Variants in STPG2 observed in about 807,000 individuals in gnomAD.
The protein encoded by STPG2 is sperm-tail PG-rich repeat-containing protein 2.
STPG2 carries 56 observed loss-of-function variants against 54.2 expected under a neutral mutation model. That is an observed-to-expected ratio of 1.03 (90% CI 0.83 to 1.29). STPG2 has a LOEUF of 1.29. Among genes scored for constraint, STPG2 ranks in the 50% most tolerant of loss-of-function variants. The pLI is 0.00. For synonymous variants in STPG2, 200 were observed against 181.8 expected (o/e 1.10, Z -0.81); for missense variants, 596 against 544.9 (o/e 1.09, Z -0.93).
In STPG2 at chr4:97,905,619, A is replaced by G. The variant is rs191272086; in HGVS notation, c.1044+38278T>C. ...TCACACATAACAATATTAACTTTAA[A>G]TGTAAATGGACTAAATGCTCCATTA... is the stretch of plus-strand genomic sequence containing the variant. On this transcript the variant is annotated intron_variant, in intron 8 of 10. Transcript: ENST00000295268. Among the ~76,000 whole-genome samples the G allele has an allele frequency of 3.3e-5, 5 of 152,302 alleles. No individual in the cohort carries two copies. The East Asian group carries it at 9.7e-4, about 29-fold the overall frequency.
In STPG2 at chr4:97,721,461, C is replaced by G. The variant is rs111956091; in HGVS notation, c.1205-8647G>C. Reference sequence around the variant, plus strand: ...ATACTGAAAGTCAAGAAGCAAATATCAAATGGATATCTTTTACAAACATTG... The same window carrying G: ...ATACTGAAAGTCAAGAAGCAAATATGAAATGGATATCTTTTACAAACATTG... On this transcript the variant is annotated intron_variant, in intron 9 of 10. Coordinates refer to ENST00000295268, the MANE Select transcript of STPG2 (RefSeq NM_174952.3). Among the ~76,000 whole-genome samples, 758 of 152,192 alleles carry G rather than the reference C, an allele frequency of 5.0e-3. 3 individuals are homozygous for G. The highest frequency in any genetic ancestry group is 0.02 in the Middle Eastern group (6 of 294).
At chr4:97,973,569 T>G (rs1734407005) in intron 6 of STPG2, among the ~76,000 whole-genome samples, 1 of 152,200 alleles carries the variant, frequency 6.6e-6, no homozygotes, top group Non-Finnish European at 1.5e-5. Context: ...GGGAAAAATG[T>G]CTCCAGGTAT....
chr4:97,609,939 ATATAT>A (rs929088583), intron 10 of STPG2, among the ~76,000 whole-genome samples: 11 of 151,880 alleles, frequency 7.2e-5, no homozygotes, highest in Admixed American at 4.6e-4. Flanking sequence ...ATATGTATAT[ATATAT>A]TATATGTGTA....
chr4:97,893,286 A>G (rs1730838529), intron 8 of STPG2: 1 of 151,990 alleles, frequency 6.6e-6, no homozygotes, highest in Non-Finnish European at 1.5e-5. Flanking sequence ...CAAAAAAAAG[A>G]TCCCAAAAAA....
intron 5 of STPG2, among the ~76,000 whole-genome samples, chr4:98,087,006 T>C (rs1425265067): frequency 2.0e-5 from 3 of 152,224 alleles, no homozygotes; most frequent in South Asian, 4.1e-4. Flanking sequence ...ACAAACATAC[T>C]AATGAGCTCA....
chr4:97,779,120 G>A lies in STPG2; in HGVS notation c.1204+61653C>T, dbSNP rs140769429. 9.9e-3 allele frequency among the ~76,000 whole-genome samples: 1,508 copies of A among 152,214 alleles called. 11 individuals carry two copies. Among genetic ancestry groups the A allele is most frequent in the Non-Finnish European group, 0.015 (1,015 of 67,998 alleles). ...GAGTTGAGAGAAGAAGTCTTCAGAC[G>A]ATCAAACTTCTCCGAGGTAAAGGAA... On this transcript the variant is annotated intron_variant, in intron 9 of 10. Coordinates refer to ENST00000295268, the MANE Select transcript of STPG2 (RefSeq NM_174952.3).
At chr4:97,572,431 T>C (rs1732623398) in intron 10 of STPG2, among the ~76,000 whole-genome samples, 1 of 152,178 alleles carries the variant, frequency 6.6e-6, no homozygotes, top group Non-Finnish European at 1.5e-5. Context: ...TTGAAGATCT[T>C]GTATAAGTTG....
chr4:97,957,480 G>A (rs1476599883), intron 7 of STPG2, among the ~76,000 whole-genome samples: 1 of 152,030 alleles, frequency 6.6e-6, no homozygotes, highest in African/African-American at 2.4e-5. Context: ...AAATCTAGAA[G>A]TTTGGAAAAC....
rs188441933 is a variant in STPG2, at chr4:97,858,451, A to G, written c.1045-17519T>C. 1.6e-3 allele frequency among the ~76,000 whole-genome samples: 238 copies of G among 152,174 alleles called. 1 individual carries two copies. Among genetic ancestry groups the G allele is most frequent in the African/African-American group, 5.5e-3 (228 of 41,538 alleles). On this transcript the variant is annotated intron_variant, in intron 8 of 10. Coordinates refer to ENST00000295268, the MANE Select transcript of STPG2 (RefSeq NM_174952.3). ...AGTTTTGGAGAAACAGGTGGTTTTC[A>G]GTTGCACAAAGAAGTTATTTAGCAG...
intron 5 of STPG2, among the ~76,000 whole-genome samples, chr4:98,098,234 C>T (rs1338561921): frequency 6.6e-6 from 1 of 151,976 alleles, no homozygotes; most frequent in East Asian, 1.9e-4. Flanking sequence ...TACAGAGCTA[C>T]AGTAACCAAA....
chr4:98,136,799 A>G (rs1230852961), intron 1 of STPG2, among the ~76,000 whole-genome samples: 1 of 151,740 alleles, frequency 6.6e-6, no homozygotes, highest in Non-Finnish European at 1.5e-5. Flanking sequence ...GTAGACTGCA[A>G]TAAATTAGAA....
At chr4:97,863,392 G>A (rs1031175149) in intron 8 of STPG2, among the ~76,000 whole-genome samples, 3 of 151,960 alleles carry the variant, frequency 2.0e-5, no homozygotes, top group Non-Finnish European at 4.4e-5. Context: ...CCAAGACTAA[G>A]CCAGGAAGAA....
chr4:98,001,029 A>T (rs1735398135), intron 5 of STPG2, among the ~76,000 whole-genome samples: 1 of 152,120 alleles, frequency 6.6e-6, no homozygotes, highest in South Asian at 2.1e-4. Context: ...CCAAACATGA[A>T]ATTGAGTAAA....
intron 10 of STPG2, among the ~76,000 whole-genome samples, chr4:97,630,120 G>A (rs1222833061): frequency 1.3e-5 from 2 of 151,832 alleles, no homozygotes; most frequent in Admixed American, 1.3e-4. Context: ...ATAATAATGG[G>A]ACTCATTGCC....
chr4:97,995,538 T>G (rs545875098), intron 5 of STPG2, among the ~76,000 whole-genome samples: 13 of 151,944 alleles, frequency 8.6e-5, no homozygotes, highest in Middle Eastern at 3.2e-3. Context: ...GAAACTAAGA[T>G]GGCTGACTAG....
At chr4:97,539,810 A>G (rs939877926) in intron 4 of STPG2, among the ~76,000 whole-genome samples, 118 of 152,164 alleles carry the variant, frequency 7.8e-4, no homozygotes, top group Non-Finnish European at 1.0e-3. Flanking sequence ...ACTAGAACTC[A>G]GGATTAAGAA....
rs372010631 is a variant in STPG2 at position 97,738,626 on chromosome 4, C to T, written c.1205-25812G>A. 5.3e-5 allele frequency among the ~76,000 whole-genome samples: 8 copies of T among 152,110 alleles called. No individual in the cohort carries two copies. The East Asian group carries it at 5.8e-4, about 11-fold the overall frequency. On this transcript the variant is annotated intron_variant, in intron 9 of 10. Coordinates refer to ENST00000295268, the MANE Select transcript of STPG2 (RefSeq NM_174952.3). ...AAAAGAGACAAACAAGGCCATTACACAATGGTAAAGGGATCAATTCAACAA... is the reference window on the plus strand; with the variant it reads ...AAAAGAGACAAACAAGGCCATTACATAATGGTAAAGGGATCAATTCAACAA...
chr4:97,491,981 T>C (rs1186341136), intron 4 of STPG2, among the ~76,000 whole-genome samples: 1 of 151,404 alleles, frequency 6.6e-6, no homozygotes, highest in East Asian at 2.0e-4. Flanking sequence ...GTAAAATTTG[T>C]ACCAACTTTA....
chr4:98,059,573 A>G (rs1371765092), intron 5 of STPG2, among the ~76,000 whole-genome samples: 1 of 151,822 alleles, frequency 6.6e-6, no homozygotes, highest in African/African-American at 2.4e-5. Context: ...TCATCCTCAT[A>G]CCAAAACCTG....
Sources: allele counts gnomAD v4.1 joint callset (sites outside exome capture counted in the v4.1 genomes callset), GRCh38; gene constraint gnomAD v4.1.1; transcripts MANE v1.5; gene names NCBI Gene and HGNC (gene_info 2026-07-23, HGNC 2026-07-21).